Variants in CRYM observed in about 807,000 individuals in gnomAD.
CRYM encodes crystallin mu.
In CRYM, 18 loss-of-function variants were observed where a neutral mutation model predicts 32.9. That is an observed-to-expected ratio of 0.55 (90% CI 0.38 to 0.81). The LOEUF (loss-of-function observed/expected upper bound fraction) is 0.81, where lower values mean the gene tolerates loss of function less well. Among genes scored for constraint, CRYM ranks in the 30% least tolerant of loss-of-function variants. CRYM has a pLI of 0.00. For missense variants in CRYM, 337 were observed against 393.5 expected (o/e 0.86, Z 1.21); for synonymous variants, 153 against 152.4 (o/e 1.00, Z -0.03).
At chr16:21,283,247 A>G (rs2093401285), upstream of CRYM, among the ~76,000 whole-genome samples, 1 of 152,216 alleles carries the variant, frequency 6.6e-6, no homozygotes, top group Non-Finnish European at 1.5e-5. Context: ...TATGGCACAA[A>G]ATGTACGGGA....
In CRYM at chr16:21,277,581, G is replaced by A. The variant is rs780408808; in HGVS notation, c.174C>T (p.Tyr58=). ...CACTGTAGGCGGGCATGACCCCCAG[G>A]TAGCTACAAGGAGAGAGGGAGCAGC... ...TVVPVTKHRG[Y]LGVMPAYSAA... is the part of the protein sequence containing the mutation. Residue 58 remains tyrosine, a synonymous_variant, in exon 2 of 8, where the codon TAC becomes TAT. Coordinates refer to ENST00000572914, the MANE Select transcript of CRYM (RefSeq NM_001376256.1). This position sits in a 1 kb window ranked among gnomAD's most constrained non-coding sequence, Gnocchi z 4.2. 1.2e-6 allele frequency: 2 copies of A among 1,613,768 alleles called. No homozygotes were observed. The highest frequency in any genetic ancestry group is 1.1e-5 in the South Asian group (1 of 91,066).
At chr16:21,278,720 C>T (rs2093392765), upstream of CRYM, 1 of 174,926 alleles carries the variant, frequency 5.7e-6, no homozygotes, top group Admixed American at 5.8e-5. Context: ...GAGACGGAGG[C>T]TTATTTAATT....
intron 4 of CRYM, among the ~76,000 whole-genome samples, chr16:21,269,050 C>T (rs2093369519): frequency 6.6e-6 from 1 of 151,018 alleles, no homozygotes. Context: ...AGGCTGAGGC[C>T]CAAGAATCAC....
At chr16:21,299,258 G>A (rs1382996411) in intron 1 of CRYM, among the ~76,000 whole-genome samples, 1 of 151,476 alleles carries the variant, frequency 6.6e-6, no homozygotes, top group Non-Finnish European at 1.5e-5. Context: ...TCAGCACTGC[G>A]TTTAGGAATA....
chr16:21,262,322 C>A, intron 5 of CRYM, 164 bp from the exon 6 acceptor site: 1 of 813,202 alleles, frequency 1.2e-6, no homozygotes, highest in East Asian at 3.1e-5. Context: ...GGACGAAATA[C>A]TTATTAAGAA....
chr16:21,279,412 G>GAGGA (rs1029156964), upstream of CRYM, among the ~76,000 whole-genome samples: 3 of 152,194 alleles, frequency 2.0e-5, no homozygotes, highest in Non-Finnish European at 2.9e-5. Flanking sequence ...GGCAGAAAGA[G>GAGGA]AGGAAGAGGG....
Position 21,277,661 on chromosome 16 carries a change from CT to C in CRYM, c.171-78del. ...TCTTAGAAAGTATCCATATACTTTC[CT>C]TTTTCTTTCCTTCCTCACCACCCCA... On this transcript the variant is annotated intron_variant, in intron 1 of 7. Coordinates refer to ENST00000572914, the MANE Select transcript of CRYM (RefSeq NM_001376256.1). This position sits in a 1 kb window ranked among gnomAD's most constrained non-coding sequence, Gnocchi z 4.2. 6.5e-7 allele frequency: 1 copy of C among 1,542,778 alleles called. No homozygotes were observed. Among genetic ancestry groups the C allele is most frequent in the Non-Finnish European group, 8.9e-7 (1 of 1,128,718 alleles).
At chr16:21,280,709 T>G (rs1373032169), upstream of CRYM, among the ~76,000 whole-genome samples, 1 of 152,260 alleles carries the variant, frequency 6.6e-6, no homozygotes, top group African/African-American at 2.4e-5. Flanking sequence ...AGCTATGTTC[T>G]AACTGCCACA....
In CRYM at chr16:21,260,481, G is replaced by A. The variant is rs2283519; in HGVS notation, c.880+773C>T. On this transcript the variant is annotated intron_variant, in intron 7 of 7. Coordinates refer to ENST00000572914, the MANE Select transcript of CRYM (RefSeq NM_001376256.1). Reference sequence around the variant, plus strand: ...CGCCTGGCTAATTTTTGTATTTTTAGTAGAGATGGAGTTTCACCATGTTGG... The same window carrying A: ...CGCCTGGCTAATTTTTGTATTTTTAATAGAGATGGAGTTTCACCATGTTGG... Among the ~76,000 whole-genome samples the A allele has an allele frequency of 0.01, 1,598 of 152,248 alleles. 43 individuals are homozygous for A. The East Asian group carries it at 0.12, about 11-fold the overall frequency.
At chr16:21,279,759 G>GACCA (rs2093394925), upstream of CRYM, among the ~76,000 whole-genome samples, 1 of 152,196 alleles carries the variant, frequency 6.6e-6, no homozygotes, top group Admixed American at 6.5e-5. Flanking sequence ...AGGGCATTTT[G>GACCA]TAGGAAATGG....
At chr16:21,293,856 A>G (rs1418446483) in intron 1 of CRYM, among the ~76,000 whole-genome samples, 1 of 152,224 alleles carries the variant, frequency 6.6e-6, no homozygotes, top group Non-Finnish European at 1.5e-5. Context: ...TTGTTGGTTC[A>G]GATAATCAAT....
intron 7 of CRYM, 99 bp downstream of exon 7, chr16:21,261,155 T>C (rs1470965720): frequency 9.0e-6 from 8 of 890,046 alleles, no homozygotes; most frequent in Admixed American, 5.3e-5. Context: ...AGCACAATGA[T>C]TCAGCTGCAG....
At chr16:21,288,923 T>C (rs1432227144) in intron 1 of CRYM, among the ~76,000 whole-genome samples, 2 of 152,198 alleles carry the variant, frequency 1.3e-5, no homozygotes, top group Non-Finnish European at 2.9e-5. Flanking sequence ...TACTGATTTC[T>C]AATTTTGTTC....
Position 21,275,611 on chromosome 16 carries a change from G to A in CRYM, c.325-17C>T. On this transcript the variant is annotated splice_polypyrimidine_tract_variant and intron_variant, in intron 2 of 7. Coordinates refer to ENST00000572914, the MANE Select transcript of CRYM (RefSeq NM_001376256.1). Reference sequence around the variant, plus strand: ...ATCCATGACCTTGGAGGAAAAGAGAGACAGTGAGCAAGGGGAACCCCTGTC... The same window carrying A: ...ATCCATGACCTTGGAGGAAAAGAGAAACAGTGAGCAAGGGGAACCCCTGTC... 6.2e-7 allele frequency: 1 copy of A among 1,608,010 alleles called. No individual in the cohort carries two copies. The highest frequency in any genetic ancestry group is 8.5e-7 in the Non-Finnish European group (1 of 1,174,426).
intron 1 of CRYM, among the ~76,000 whole-genome samples, chr16:21,292,753 A>C (rs1960692180): frequency 6.6e-6 from 1 of 152,148 alleles, no homozygotes; most frequent in Admixed American, 6.6e-5. Flanking sequence ...AGATAGATAG[A>C]TAGAATAAGA....
intron 1 of CRYM, among the ~76,000 whole-genome samples, chr16:21,302,336 A>T (rs1960969490): frequency 6.6e-6 from 1 of 152,232 alleles, no homozygotes; most frequent in Non-Finnish European, 1.5e-5. Context: ...GGCAGTCCTG[A>T]TACTTACATT....
intron 5 of CRYM, among the ~76,000 whole-genome samples, chr16:21,264,914 G>C (rs1376822205): frequency 2.6e-5 from 4 of 152,198 alleles, no homozygotes; most frequent in Non-Finnish European, 5.9e-5. Context: ...CCTGGAAGAG[G>C]ACCCCCGAGC....
chr16:21,283,630 G>A (rs1387007151), intron 1 of CRYM: 1 of 149,610 alleles, frequency 6.7e-6, no homozygotes, highest in Admixed American at 6.7e-5. Context: ...GGAAGCCGGA[G>A]AAGGGTGGTC....
chr16:21,301,091 G>A (rs1005167966), intron 1 of CRYM: 10 of 152,412 alleles, frequency 6.6e-5, no homozygotes, highest in Non-Finnish European at 1.5e-4. Context: ...GGAATCTTTT[G>A]GGTGGCCCGC....
Sources: allele counts gnomAD v4.1 joint callset (sites outside exome capture counted in the v4.1 genomes callset), GRCh38; gene constraint gnomAD v4.1.1; non-coding constraint Gnocchi (gnomAD v3.1); transcripts MANE v1.5; gene names NCBI Gene and HGNC (gene_info 2026-07-23, HGNC 2026-07-21).